SEMA3E: variants seen among roughly 807,000 people sequenced by gnomAD.
The protein encoded by SEMA3E is semaphorin 3E, also known as semaphorin-3E.
A neutral mutation model predicts 93.6 loss-of-function variants in SEMA3E; 49 were observed. That is an observed-to-expected ratio of 0.52 (90% CI 0.42 to 0.66). SEMA3E has a LOEUF of 0.66. Ranked by LOEUF, SEMA3E falls within the 30% of genes least tolerant of loss-of-function variation. The probability of loss-of-function intolerance (pLI) is 0.00; values close to 1 mark genes in which losing one functional copy is unlikely to be tolerated. For missense variants in SEMA3E, 906 were observed against 964.8 expected (o/e 0.94, Z 0.81); for synonymous variants, 363 against 330.7 (o/e 1.10, Z -1.06).
intron 11 of SEMA3E, 79 bp from the exon 12 acceptor site, chr7:83,396,808 G>A (rs1788132403): frequency 4.3e-6 from 4 of 928,328 alleles, no homozygotes; most frequent in South Asian, 2.7e-5. Context: ...AGCTGGCTGG[G>A]TGCAGTAGCT....
At chr7:83,640,159 T>C (rs140290498) in intron 1 of SEMA3E, among the ~76,000 whole-genome samples, 36 of 152,230 alleles carry the variant, frequency 2.4e-4, no homozygotes, top group Non-Finnish European at 2.6e-4. Flanking sequence ...CTCATTTTCT[T>C]TGCTGCTGTT....
At chr7:83,436,044 ATTGT>A (rs1026211658) in intron 4 of SEMA3E, among the ~76,000 whole-genome samples, 9 of 152,218 alleles carry the variant, frequency 5.9e-5, no homozygotes, top group African/African-American at 1.2e-4. Context: ...ATATGATTTA[ATTGT>A]TTATGTGGGG....
chr7:83,367,415 G>T lies in SEMA3E; in HGVS notation c.*171C>A. On this transcript the variant is annotated 3_prime_UTR_variant, in exon 17 of 17. Transcript: ENST00000643230. ...AAAAAATTAGTTAATTTTATGTAAA[G>T]TTTATCCAGTCAAATGAGTATGTAG... The T allele has an allele frequency of 1.5e-6, 1 of 670,976 alleles. No individual in the cohort carries two copies. Among genetic ancestry groups the T allele is most frequent in the Non-Finnish European group, 2.6e-6 (1 of 392,014 alleles). 41.6% of individuals were successfully genotyped at this position (670,976 alleles called of 1,614,324 possible). A position where few individuals can be genotyped will look rare whatever the true frequency, so the allele number is the denominator to read the frequency against.
At position 83,363,868 on chromosome 7, in the gene SEMA3E, T is replaced by TC. The variant is rs1284317410; in HGVS notation, c.*3717_*3718insG. On this transcript the variant is annotated 3_prime_UTR_variant, in exon 17 of 17. Transcript: ENST00000643230. ...GTGTCACAGGTCAATTCATTTTTTT[T>TC]TTTTTTTTTTTTTTTTTTTTTTTTT... 75 of 8,946 alleles carry TC rather than the reference T, an allele frequency of 8.4e-3. 1 individual carries two copies. Among genetic ancestry groups the TC allele is most frequent in the Admixed American group, 0.012 (5 of 422 alleles). 0.6% of individuals were successfully genotyped at this position (8,946 alleles called of 1,614,324 possible).
intron 1 of SEMA3E, among the ~76,000 whole-genome samples, chr7:83,597,294 C>T (rs1419551060): frequency 6.6e-6 from 1 of 152,094 alleles, no homozygotes; most frequent in Non-Finnish European, 1.5e-5. Context: ...ATGAAAGTCT[C>T]TGGTTATTGT....
chr7:83,595,456 T>C (rs1792852538), intron 1 of SEMA3E, among the ~76,000 whole-genome samples: 1 of 152,110 alleles, frequency 6.6e-6, no homozygotes. Flanking sequence ...ACTAGGAAAT[T>C]AATACTGCCA....
At chr7:83,592,474 C>T (rs1792774916) in intron 1 of SEMA3E, among the ~76,000 whole-genome samples, 1 of 284 alleles carries the variant, frequency 3.5e-3, no homozygotes, top group African/African-American at 0.013. Context: ...GTTTTTCCAC[C>T]TACCTCTACC....
rs113826141 is a variant in SEMA3E, at chr7:83,602,375, C to G, written c.115+46053G>C. On this transcript the variant is annotated intron_variant, in intron 1 of 16. Coordinates refer to ENST00000643230, the MANE Select transcript of SEMA3E (RefSeq NM_012431.3). ...GCCTTCACAAACTTCTTTTGATACT[C>G]TACCTGAAATTTTCACATAAGCATG... Among the ~76,000 whole-genome samples the G allele has an allele frequency of 7.8e-3, 1,187 of 152,310 alleles. 17 individuals carry two copies. Among genetic ancestry groups the G allele is most frequent in the African/African-American group, 0.027 (1,105 of 41,576 alleles).
At position 83,537,212 on chromosome 7, in the gene SEMA3E, CAT is replaced by C; in HGVS notation, c.116-46940_116-46939del. Among the ~76,000 whole-genome samples, 3 of 152,216 alleles carry C rather than the reference CAT, an allele frequency of 2.0e-5. No homozygotes were observed. In the Middle Eastern group the frequency reaches 0.01, roughly 518 times the overall value. The stretch of plus-strand genomic sequence containing the variant: ...TTAGCCTCCAGAACTATAAGAAATA[CAT>C]ATCTGTTGTTTGAGGCATCCATTCT... On this transcript the variant is annotated intron_variant, in intron 1 of 16. Coordinates refer to ENST00000643230, the MANE Select transcript of SEMA3E (RefSeq NM_012431.3).
intron 4 of SEMA3E, among the ~76,000 whole-genome samples, chr7:83,436,856 A>C (rs1195846912): frequency 6.6e-6 from 1 of 152,184 alleles, no homozygotes; most frequent in Admixed American, 6.5e-5. Context: ...TATGCTGCTG[A>C]TGAAGACATA....
At chr7:83,464,023 A>G (rs1584266106) in intron 4 of SEMA3E, among the ~76,000 whole-genome samples, 1 of 152,276 alleles carries the variant, frequency 6.6e-6, no homozygotes, top group Admixed American at 6.5e-5. Context: ...TCTGTCAGAC[A>G]TAATTCCTCA....
At chr7:83,469,134 T>G in intron 3 of SEMA3E, 109 bp downstream of exon 3, 1 of 845,032 alleles carries the variant, frequency 1.2e-6, no homozygotes, top group Non-Finnish European at 2.0e-6. Flanking sequence ...TGAACCAAAT[T>G]GCATACATAC....
chr7:83,598,804 C>T (rs1792927277), intron 1 of SEMA3E, among the ~76,000 whole-genome samples: 1 of 152,180 alleles, frequency 6.6e-6, no homozygotes, highest in South Asian at 2.1e-4. Context: ...TCTTTGTCAT[C>T]ACTTATCTCA....
At chr7:83,497,565 A>G (rs1169777265) in intron 1 of SEMA3E, among the ~76,000 whole-genome samples, 1 of 152,226 alleles carries the variant, frequency 6.6e-6, no homozygotes, top group Non-Finnish European at 1.5e-5. Context: ...ATGGTTCAAA[A>G]GGAAAAGGTT....
intron 4 of SEMA3E, among the ~76,000 whole-genome samples, chr7:83,443,911 G>A (rs1789171982): frequency 3.5e-5 from 3 of 85,022 alleles, no homozygotes; most frequent in African/African-American, 5.5e-5. Flanking sequence ...GTAAAATAAT[G>A]ACCTGATATA....
At chr7:83,556,831 G>A (rs1356660404) in intron 1 of SEMA3E, among the ~76,000 whole-genome samples, 2 of 152,092 alleles carry the variant, frequency 1.3e-5, no homozygotes, top group African/African-American at 2.4e-5. Context: ...GAAAGGATTC[G>A]AGCCTTACAA....
At chr7:83,570,725 A>G (rs1792268509) in intron 1 of SEMA3E, among the ~76,000 whole-genome samples, 1 of 151,744 alleles carries the variant, frequency 6.6e-6, no homozygotes, top group Admixed American at 6.6e-5. Flanking sequence ...TCCATACAAA[A>G]GACCAATGAA....
chr7:83,576,372 G>A lies in SEMA3E; in HGVS notation c.115+72056C>T, dbSNP rs138042825. 2.0e-3 allele frequency among the ~76,000 whole-genome samples: 310 copies of A among 152,192 alleles called. 2 individuals carry two copies. Among genetic ancestry groups the A allele is most frequent in the South Asian group, 7.7e-3 (37 of 4,824 alleles). On this transcript the variant is annotated intron_variant, in intron 1 of 16. Coordinates refer to ENST00000643230, the MANE Select transcript of SEMA3E (RefSeq NM_012431.3). ...GTTACAATGAAGGATACGGAATGTA[G>A]GCTTTAAAGTGGGCAGCAATAAGCC...
chr7:83,579,229 A>C (rs2115898578), intron 1 of SEMA3E, among the ~76,000 whole-genome samples: 1 of 152,230 alleles, frequency 6.6e-6, no homozygotes, highest in South Asian at 2.1e-4. Context: ...TTGGTTATTT[A>C]TTATGCATAA....
Sources: gnomAD v4.1 joint callset for allele counts (sites outside exome capture counted in the v4.1 genomes callset) on GRCh38, gnomAD v4.1.1 for gene constraint, MANE v1.5 for transcripts, NCBI Gene and HGNC (gene_info 2026-07-23, HGNC 2026-07-21) for gene names.